DSG3: variants seen among roughly 807,000 people sequenced by gnomAD.
DSG3 encodes the protein desmoglein 3, also known as desmoglein-3.
DSG3 carries 63 observed loss-of-function variants against 85.9 expected under a neutral mutation model. That is an observed-to-expected ratio of 0.73 (90% CI 0.60 to 0.90). The LOEUF (loss-of-function observed/expected upper bound fraction) is 0.90, where lower values mean the gene tolerates loss of function less well. Ranked by LOEUF, DSG3 falls within the 40% of genes least tolerant of loss-of-function variation. The probability of loss-of-function intolerance (pLI) is 0.00; values close to 1 mark genes in which losing one functional copy is unlikely to be tolerated. For missense variants in DSG3, 1,220 were observed against 1,219.9 expected, an observed-to-expected ratio of 1.00 and a Z score of 0.00; for synonymous variants, 447 against 441.9, an observed-to-expected ratio of 1.01 and a Z score of -0.14.
chr18:31,469,410 T>C, intron 12 of DSG3, 61 bp downstream of exon 12: 1 of 1,591,994 alleles, frequency 6.3e-7, no homozygotes, highest in African/African-American at 1.3e-5. Flanking sequence ...AAGGCCTCCA[T>C]GCTGCCCTGC....
At chr18:31,473,449 A>G (rs1314832577) in intron 14 of DSG3, among the ~76,000 whole-genome samples, 1 of 152,246 alleles carries the variant, frequency 6.6e-6, no homozygotes, top group African/African-American at 2.4e-5. Context: ...AATGCCTAAT[A>G]TTAAAGTTTT....
At chr18:31,457,280 A>G (rs1376853392) in intron 3 of DSG3, among the ~76,000 whole-genome samples, 156 bp downstream of exon 3, 1 of 152,084 alleles carries the variant, frequency 6.6e-6, no homozygotes, top group African/African-American at 2.4e-5. Context: ...TAATAATAAT[A>G]ATGAGAGAAA....
chr18:31,470,538 C>A (rs189330328), intron 12 of DSG3, among the ~76,000 whole-genome samples: 3 of 152,046 alleles, frequency 2.0e-5, no homozygotes, highest in African/African-American at 7.2e-5. Flanking sequence ...TAATCAAGTT[C>A]AAGAACCAGA....
In DSG3 at chr18:31,476,363, C is replaced by T. The variant is rs1031155257; in HGVS notation, c.*103C>T. 25 of 1,356,882 alleles carry T rather than the reference C, an allele frequency of 1.8e-5. No individual in the cohort carries two copies. Among genetic ancestry groups the T allele is most frequent in the Non-Finnish European group, 2.5e-5 (25 of 998,256 alleles). 84.1% of individuals were successfully genotyped at this position (1,356,882 alleles called of 1,614,324 possible). A position where few individuals can be genotyped will look rare whatever the true frequency, so the allele number is the denominator to read the frequency against. ...ACTGTATTGGGCTAATAATTTGGCACTTATTAGCTTCTCTCATAAACTGAT... is the reference window on the plus strand; with the variant it reads ...ACTGTATTGGGCTAATAATTTGGCATTTATTAGCTTCTCTCATAAACTGAT... On this transcript the variant is annotated 3_prime_UTR_variant, in exon 16 of 16. Transcript: ENST00000257189.
chr18:31,462,028 G>C (rs989241403), intron 8 of DSG3, among the ~76,000 whole-genome samples: 2 of 151,874 alleles, frequency 1.3e-5, no homozygotes, highest in African/African-American at 4.8e-5. Flanking sequence ...TGGTTGGTTG[G>C]TTTTTGTTTT....
chr18:31,472,669 A>G, intron 13 of DSG3, 56 bp from the exon 14 acceptor site: 1 of 1,572,240 alleles, frequency 6.4e-7, no homozygotes, highest in Non-Finnish European at 8.7e-7. Flanking sequence ...ATGTCACTAT[A>G]TTGCTCTGAA....
rs2072897870 is a variant in DSG3, at chr18:31,477,751, T to C, written c.*1491T>C. The C allele has an allele frequency of 6.6e-6, 1 of 152,174 alleles. No homozygotes were observed. The highest frequency in any genetic ancestry group is 2.1e-4 in the South Asian group (1 of 4,820). 9.4% of individuals were successfully genotyped at this position (152,174 alleles called of 1,614,324 possible). ...TCGAGTCATTTCTGGTCATTCAAGA[T>C]ATTCACCCTTTTGCCCATAGAAAGC... is the stretch of plus-strand genomic sequence containing the variant. On this transcript the variant is annotated 3_prime_UTR_variant, in exon 16 of 16. Transcript: ENST00000257189.
At chr18:31,462,861 A>T (rs1214514319) in intron 8 of DSG3, among the ~76,000 whole-genome samples, 1 of 152,086 alleles carries the variant, frequency 6.6e-6, no homozygotes, top group African/African-American at 2.4e-5. Context: ...AACAATTTGG[A>T]TCCCTTACTC....
rs779136880 is a variant in DSG3, at chr18:31,465,427, A to G, written c.1381A>G (p.Thr461Ala). The change falls in exon 10 of 16, where the codon ACA (threonine) becomes GCA (alanine). Residue 461 changes from threonine to alanine, a missense_variant. By Grantham distance (58) the Thr-to-Ala change is moderately conservative. Coordinates refer to ENST00000257189, the MANE Select transcript of DSG3 (RefSeq NM_001944.3). ...AGATTCTACTTTCATAGTTAACAAA[A>G]CAATCACAGCTGAGGTTCTGGCCAT... Reference protein sequence around the residue: ...NRDSTFIVNKTITAEVLAIDE... With the variant: ...NRDSTFIVNKAITAEVLAIDE... 1.3e-6 allele frequency: 2 copies of G among 1,535,098 alleles called. No individual in the cohort carries two copies. The highest frequency in any genetic ancestry group is 4.2e-5 in the Admixed American group (2 of 47,550).
intron 8 of DSG3, among the ~76,000 whole-genome samples, chr18:31,462,222 C>A (rs73414209): frequency 0.046 from 7,061 of 152,030 alleles, 531 homozygotes; most frequent in African/African-American, 0.16. Context: ...GCATCATGTG[C>A]CATCATGCCC....
intron 15 of DSG3, 56 bp from the exon 16 acceptor site, chr18:31,475,590 T>C: frequency 6.4e-7 from 1 of 1,571,260 alleles, no homozygotes; most frequent in Non-Finnish European, 8.6e-7. Context: ...CAGTATTATA[T>C]TGTTCAACTG....
chr18:31,468,339 C>G (rs76591816), intron 11 of DSG3, among the ~76,000 whole-genome samples: 2,109 of 152,256 alleles, frequency 0.014, 41 homozygotes, highest in African/African-American at 0.048. Flanking sequence ...AAGTCAGGAA[C>G]ACTAACACTC....
At chr18:31,465,913 T>A (rs2072815711) in intron 10 of DSG3, among the ~76,000 whole-genome samples, 1 of 152,144 alleles carries the variant, frequency 6.6e-6, no homozygotes, top group African/African-American at 2.4e-5. Flanking sequence ...TCCCCAAGTA[T>A]AAAATTAATT....
intron 1 of DSG3, among the ~76,000 whole-genome samples, 165 bp downstream of exon 1, chr18:31,448,090 T>C (rs1420816778): frequency 8.1e-6 from 1 of 124,042 alleles, no homozygotes; most frequent in Non-Finnish European, 1.6e-5. Flanking sequence ...CTTCTTTTGT[T>C]GTTTTTTATG....
chr18:31,465,487 G>T (rs1198288001), intron 10 of DSG3, 30 bp downstream of exon 10: 2 of 1,396,692 alleles, frequency 1.4e-6, no homozygotes. Flanking sequence ...CATTTCAGAG[G>T]AATGTTATCG....
In DSG3 at chr18:31,476,435, G is replaced by T. The variant is rs1036477266; in HGVS notation, c.*175G>T. On this transcript the variant is annotated 3_prime_UTR_variant, in exon 16 of 16. Transcript: ENST00000257189. ...TGGGTTCATACCCCAAAAGCAATAT[G>T]TTGTCACTCCTAATTCTCAAGTACT... is the stretch of plus-strand genomic sequence containing the variant. The T allele has an allele frequency of 1.6e-6, 1 of 629,492 alleles. No individual in the cohort carries two copies. Among genetic ancestry groups the T allele is most frequent in the Non-Finnish European group, 2.5e-6 (1 of 399,168 alleles). The allele number at this position is 629,492 out of a possible 1,614,324, so 39.0% of individuals were successfully genotyped here. A position where few individuals can be genotyped will look rare whatever the true frequency, so the allele number is the denominator to read the frequency against.
chr18:31,472,864 ATCT>A (rs2144245170), intron 14 of DSG3, 76 bp downstream of exon 14: 2 of 1,331,024 alleles, frequency 1.5e-6, no homozygotes, highest in South Asian at 1.2e-5. Context: ...TGTTCAAACT[ATCT>A]TCTTAATAAT....
intron 8 of DSG3, among the ~76,000 whole-genome samples, 193 bp downstream of exon 8, chr18:31,461,605 C>T (rs186387837): frequency 2.0e-5 from 3 of 152,304 alleles, no homozygotes; most frequent in Admixed American, 6.5e-5. Context: ...TGAACTCATT[C>T]CAAGCTATTG....
In DSG3 at chr18:31,457,558, TTTCTTTCTTTCTTTCTTTCTTTCTTTC is replaced by T. The variant is rs1360487364; in HGVS notation, c.216+464_216+490del. Among the ~76,000 whole-genome samples, 43 of 119,394 alleles carry T rather than the reference TTTCTTTCTTTCTTTCTTTCTTTCTTTC, an allele frequency of 3.6e-4. 1 individual carries two copies. In the South Asian group the frequency reaches 0.011, roughly 31 times the overall value. 78.3% of individuals were successfully genotyped at this position (119,394 alleles called of 152,430 possible). ...TTCTTTCTTTCTTTCTCTTTCTTTC[TTTCTTTCTTTCTTTCTTTCTTTCTTTC>T]TTCTTTCTTTCTTTCTTTCTTTCTT... On this transcript the variant is annotated intron_variant, in intron 3 of 15. Transcript: ENST00000257189.
Sources: gnomAD v4.1 joint callset for allele counts (sites outside exome capture counted in the v4.1 genomes callset) on GRCh38, gnomAD v4.1.1 for gene constraint, MANE v1.5 for transcripts, NCBI Gene and HGNC (gene_info 2026-07-23, HGNC 2026-07-21) for gene names.